TAC1: variants seen among roughly 807,000 people sequenced by gnomAD.
TAC1 encodes the protein tachykinin precursor 1, also known as protachykinin-1.
A neutral mutation model predicts 21.7 loss-of-function variants in TAC1; 12 were observed. The observed-to-expected ratio is 0.55, with a 90% confidence interval of 0.35 to 0.89. The LOEUF (loss-of-function observed/expected upper bound fraction) is 0.89. TAC1 is among the 40% of genes least tolerant of loss of function. The pLI is 0.01. For missense variants in TAC1, 128 were observed against 151.4 expected (o/e 0.85, Z 0.81); for synonymous variants, 52 against 52.0 (o/e 1.00, Z 0.00).
At chr7:97,733,459 G>A (rs892350031) in intron 2 of TAC1, among the ~76,000 whole-genome samples, 11 of 152,068 alleles carry the variant, frequency 7.2e-5, no homozygotes, top group African/African-American at 2.7e-4. Context: ...GGGCTGGGAG[G>A]AAAGAGCGGA....
rs188969055 is a variant in TAC1 at position 97,732,536 on chromosome 7, T to C, written c.-9-68T>C. The C allele has an allele frequency of 4.0e-4, 637 of 1,578,746 alleles. 2 individuals carry two copies. The East Asian group carries it at 0.013, about 33-fold the overall frequency. On this transcript the variant is annotated intron_variant, in intron 1 of 6. Coordinates refer to ENST00000319273, the MANE Select transcript of TAC1 (RefSeq NM_003182.3). The surrounding 1 kb of genome is among the most constrained non-coding windows in gnomAD (Gnocchi z 6.2). ...GCAGAAAATTCTGTTGCTTTAACTC[T>C]TGGATAACCACCCCTAATAGATACA...
intron 2 of TAC1, 86 bp from the exon 3 acceptor site, chr7:97,733,637 G>C (rs1789488431): frequency 1.5e-6 from 2 of 1,360,834 alleles, no homozygotes; most frequent in Admixed American, 1.7e-5. Context: ...CTCGGGGCCG[G>C]AGTACAGCGG....
chr7:97,736,754 A>G (rs772335971), intron 6 of TAC1, among the ~76,000 whole-genome samples: 9 of 152,098 alleles, frequency 5.9e-5, no homozygotes, highest in Non-Finnish European at 1.2e-4. Flanking sequence ...TTTACAAGAC[A>G]TTACATTTGG....
rs2115827063 is a variant in TAC1, at chr7:97,732,483, T to C, written c.-9-121T>C. 1 of 1,200,998 alleles carries C rather than the reference T, an allele frequency of 8.3e-7. No homozygotes were observed. Among genetic ancestry groups the C allele is most frequent in the Admixed American group, 2.0e-5 (1 of 50,684 alleles). The allele number at this position is 1,200,998 out of a possible 1,614,324, so 74.4% of individuals were successfully genotyped here. ...TACAGGTGAGACTTCAGTCCTTATG[T>C]TTTTGATCTTGGTTCATCCGTTGTG... On this transcript the variant is annotated intron_variant, in intron 1 of 6. Coordinates refer to ENST00000319273, the MANE Select transcript of TAC1 (RefSeq NM_003182.3). The surrounding 1 kb of genome is among the most constrained non-coding windows in gnomAD (Gnocchi z 6.2).
chr7:97,732,801 G>T lies in TAC1; in HGVS notation c.123+66G>T. 5 of 1,566,708 alleles carry T rather than the reference G, an allele frequency of 3.2e-6. No individual in the cohort carries two copies. The highest frequency in any genetic ancestry group is 4.3e-6 in the Non-Finnish European group (5 of 1,157,086). On this transcript the variant is annotated intron_variant, in intron 2 of 6. Coordinates refer to ENST00000319273, the MANE Select transcript of TAC1 (RefSeq NM_003182.3). The surrounding 1 kb of genome is among the most constrained non-coding windows in gnomAD (Gnocchi z 6.2). ...GGCTCGGGAGCTGTCACCTTCCCAC[G>T]CAACAGCACCCTAGTTAACGTGGCA...
intron 4 of TAC1, among the ~76,000 whole-genome samples, chr7:97,734,530 G>T (rs1314121188): frequency 6.6e-6 from 1 of 151,618 alleles, no homozygotes; most frequent in Non-Finnish European, 1.5e-5. Context: ...TGGGTGGCCA[G>T]CCTTGAAGGT....
In TAC1 at chr7:97,738,997, A is replaced by AAACATAATATAATATAATATAATAT. The variant is rs1789638931; in HGVS notation, c.344-875_344-874insCATAATATAATATAATATAATATAA. 2.0e-5 allele frequency among the ~76,000 whole-genome samples: 3 copies of AAACATAATATAATATAATATAATAT among 148,436 alleles called. No homozygotes were observed. In the South Asian group the frequency reaches 6.3e-4, roughly 31 times the overall value. On this transcript the variant is annotated intron_variant, in intron 6 of 6. Transcript: ENST00000319273. ...AGATCCCTTTGAAATTATATATAATAAATATAATATAATATAATATACAAT... is the reference window on the plus strand; with the variant it reads ...AGATCCCTTTGAAATTATATATAATAAACATAATATAATATAATATAATATAATATAATATAATATAATATACAAT...
At chr7:97,734,925 CTTA>C in intron 5 of TAC1, 76 bp downstream of exon 5, 2 of 1,221,920 alleles carry the variant, frequency 1.6e-6, no homozygotes, top group East Asian at 2.5e-5. Flanking sequence ...TTTATCTTAC[CTTA>C]TTTTCTGTCA....
chr7:97,735,159 C>T (rs1438137836), intron 5 of TAC1, among the ~76,000 whole-genome samples: 1 of 152,050 alleles, frequency 6.6e-6, no homozygotes, highest in Non-Finnish European at 1.5e-5. Context: ...CCCAGCCACC[C>T]ACCCCCTAAG....
At position 97,734,240 on chromosome 7, in the gene TAC1, C is replaced by T; in HGVS notation, c.221-8C>T. The T allele has an allele frequency of 6.2e-7, 1 of 1,613,598 alleles. No homozygotes were observed. The highest frequency in any genetic ancestry group is 8.5e-7 in the Non-Finnish European group (1 of 1,179,564). ...ACATGTAGTTAATGACAATTCGTCT[C>T]TTGTCAGATTCCTCAATTGAAAAAC... On this transcript the variant is annotated splice_polypyrimidine_tract_variant and splice_region_variant and intron_variant, in intron 3 of 6. Transcript: ENST00000319273.
At position 97,737,756 on chromosome 7, in the gene TAC1, T is replaced by C. The variant is rs370995198; in HGVS notation, c.343+1404T>C. On this transcript the variant is annotated intron_variant, in intron 6 of 6. Coordinates refer to ENST00000319273, the MANE Select transcript of TAC1 (RefSeq NM_003182.3). The stretch of plus-strand genomic sequence containing the variant: ...GTGTAAAAGTGTAAGAAATTATCAA[T>C]GTGCCTTAATGAAAAACTTGTAATT... 1.2e-3 allele frequency among the ~76,000 whole-genome samples: 175 copies of C among 152,156 alleles called. No individual in the cohort carries two copies. In the South Asian group the frequency reaches 0.035, roughly 31 times the overall value.
rs764175011 is a variant in TAC1, at chr7:97,732,687, T to C, written c.75T>C (p.Asn25=). Residue 25 remains asparagine (N), a synonymous_variant, in exon 2 of 7, where the codon AAT becomes AAC. Coordinates refer to ENST00000319273, the MANE Select transcript of TAC1 (RefSeq NM_003182.3). The surrounding 1 kb of genome is among the most constrained non-coding windows in gnomAD (Gnocchi z 6.2). ...TQLFAEEIGA[N]DDLNYWSDWY... ...TGTTTGCAGAAGAAATAGGAGCCAATGATGATCTGAATTACTGGTCCGACT... is the reference window on the plus strand; with the variant it reads ...TGTTTGCAGAAGAAATAGGAGCCAACGATGATCTGAATTACTGGTCCGACT... 3 of 1,614,054 alleles carry C rather than the reference T, an allele frequency of 1.9e-6. No homozygotes were observed. In the Admixed American group the frequency reaches 5.0e-5, roughly 27 times the overall value.
chr7:97,738,025 A>G (rs1216995712), intron 6 of TAC1, among the ~76,000 whole-genome samples: 1 of 152,024 alleles, frequency 6.6e-6, no homozygotes, highest in African/African-American at 2.4e-5. Context: ...TTAAAATAAT[A>G]ACATAATTTT....
chr7:97,733,924 C>A, intron 3 of TAC1, 105 bp downstream of exon 3: 1 of 1,150,212 alleles, frequency 8.7e-7, no homozygotes, highest in Admixed American at 2.0e-5. Flanking sequence ...GATTTCCACT[C>A]CAAGAGGGGT....
At chr7:97,738,895 A>T (rs1337646068) in intron 6 of TAC1, among the ~76,000 whole-genome samples, 1 of 151,816 alleles carries the variant, frequency 6.6e-6, no homozygotes, top group East Asian at 1.9e-4. Flanking sequence ...CTAAGTCTAT[A>T]AGGTATTCGT....
chr7:97,736,020 T>C (rs1245403027), intron 5 of TAC1, among the ~76,000 whole-genome samples: 1 of 152,120 alleles, frequency 6.6e-6, no homozygotes, highest in Non-Finnish European at 1.5e-5. Flanking sequence ...CAATATTTTA[T>C]ATAAAATATT....
chr7:97,734,949 G>A, intron 5 of TAC1, 100 bp downstream of exon 5: 2 of 912,194 alleles, frequency 2.2e-6, no homozygotes, highest in Non-Finnish European at 3.4e-6. Context: ...TGACTCTAGG[G>A]CTTAATATGT....
intron 4 of TAC1, 43 bp from the exon 5 acceptor site, chr7:97,734,783 A>T: frequency 6.7e-7 from 1 of 1,499,568 alleles, no homozygotes; most frequent in Non-Finnish European, 9.2e-7. Context: ...AGCATCTTTA[A>T]AAACAAATCT....
At chr7:97,735,877 G>C (rs1584417596) in intron 5 of TAC1, among the ~76,000 whole-genome samples, 1 of 152,108 alleles carries the variant, frequency 6.6e-6, no homozygotes, top group East Asian at 1.9e-4. Context: ...ATCAAGGAAA[G>C]GAATCTGGTT....
Sources: gnomAD v4.1 joint callset for allele counts (sites outside exome capture counted in the v4.1 genomes callset) on GRCh38, gnomAD v4.1.1 for gene constraint, Gnocchi (gnomAD v3.1) non-coding constraint, MANE v1.5 for transcripts, NCBI Gene and HGNC (gene_info 2026-07-23, HGNC 2026-07-21) for gene names.